Variants in MROH1 observed in about 807,000 individuals in gnomAD.
MROH1 encodes maestro heat like repeat family member 1.
In MROH1, 117 loss-of-function variants were observed where a neutral mutation model predicts 116.5. The observed-to-expected ratio is 1.00, with a 90% CI of 0.86 to 1.17. The LOEUF is 1.17. MROH1 is among the 50% of genes most tolerant of loss of function. The probability of loss-of-function intolerance (pLI) is 0.00; values close to 1 mark genes in which losing one functional copy is unlikely to be tolerated. For missense variants in MROH1, 1,873 were observed against 1,338.5 expected (o/e 1.40, Z -6.23); for synonymous variants, 921 against 583.9 (o/e 1.58, Z -8.32).
intron 13 of MROH1, among the ~76,000 whole-genome samples, chr8:144,222,657 G>C (rs1837018364): frequency 6.6e-6 from 1 of 152,098 alleles, no homozygotes; most frequent in Admixed American, 6.5e-5. Flanking sequence ...GGTAGGTTCA[G>C]GTACAGGTGT....
intron 2 of MROH1, among the ~76,000 whole-genome samples, chr8:144,162,378 C>T (rs1018618888): frequency 4.0e-5 from 6 of 151,294 alleles, no homozygotes; most frequent in Admixed American, 3.3e-4. Context: ...TGAGCCACTG[C>T]GCCCGGCCCT....
At chr8:144,186,350 G>C (rs371800127) in intron 7 of MROH1, among the ~76,000 whole-genome samples, 4 of 152,044 alleles carry the variant, frequency 2.6e-5, no homozygotes, top group African/African-American at 9.7e-5. Flanking sequence ...TCGAACTCCT[G>C]ACCTCAGGTG....
In MROH1 at chr8:144,179,488, G is replaced by T; in HGVS notation, c.202G>T (p.Ala68Ser). 1.2e-6 allele frequency: 2 copies of T among 1,613,612 alleles called. No homozygotes were observed. Among genetic ancestry groups the T allele is most frequent in the Non-Finnish European group, 8.5e-7 (1 of 1,179,834 alleles). Residue 68 changes from alanine to serine, a missense_variant, in exon 5 of 44, where the codon GCC (alanine) becomes TCC (serine). Ala to Ser is a moderately conservative substitution (Grantham distance 99). Coordinates refer to ENST00000326134, the MANE Select transcript of MROH1 (RefSeq NM_032450.3). ...CCCATACCGAGCAGCGGTCCTGAGG[G>T]CCATGGAGAGGGTCCTGAGCAGTCG... The part of the protein sequence containing the change: ...AHPYRAAVLR[A>S]MERVLSSRAS...
In MROH1 at chr8:144,180,059, C is replaced by G; in HGVS notation, c.301-119C>G. 1 of 1,315,860 alleles carries G rather than the reference C, an allele frequency of 7.6e-7. No homozygotes were observed. The highest frequency in any genetic ancestry group is 1.3e-5 in the South Asian group (1 of 75,400). The allele number at this position is 1,315,860 out of a possible 1,614,324, so 81.5% of individuals were successfully genotyped here. On this transcript the variant is annotated intron_variant, in intron 5 of 43. Coordinates refer to ENST00000326134, the MANE Select transcript of MROH1 (RefSeq NM_032450.3). This position sits in a 1 kb window ranked among gnomAD's most constrained non-coding sequence, Gnocchi z 7.4. ...GAGGAGGCTGTGCCCGCCACCTTCC[C>G]TGACCTGCACTTTCTGGGGACGCTG...
chr8:144,258,746 C>G, intron 35 of MROH1, 31 bp from the exon 36 acceptor site: 1 of 753,272 alleles, frequency 1.3e-6, no homozygotes, highest in South Asian at 1.4e-5. Flanking sequence ...CGTGTGTGCC[C>G]TACCAGCTGA....
intron 14 of MROH1, among the ~76,000 whole-genome samples, chr8:144,231,018 G>A (rs1354354305): frequency 7.2e-6 from 1 of 139,030 alleles, no homozygotes; most frequent in African/African-American, 2.8e-5. Context: ...CTCTTAACGA[G>A]CATGCTGCCT....
intron 12 of MROH1, among the ~76,000 whole-genome samples, chr8:144,220,366 T>G (rs1836452254): frequency 6.6e-6 from 1 of 152,218 alleles, no homozygotes; most frequent in Non-Finnish European, 1.5e-5. Flanking sequence ...AGGCCCATTC[T>G]TCTACGACCG....
intron 33 of MROH1, chr8:144,250,734 T>TC: frequency 5.1e-6 from 2 of 389,478 alleles, no homozygotes; most frequent in South Asian, 2.1e-5. Flanking sequence ...TTCCGGCTAC[T>TC]CCAAGCCTTG....
chr8:144,176,587 A>G (rs555318040), intron 4 of MROH1, among the ~76,000 whole-genome samples: 93 of 151,646 alleles, frequency 6.1e-4, no homozygotes, highest in African/African-American at 2.2e-3. Flanking sequence ...CATGCCTATA[A>G]TCTCAGCACT....
At position 144,191,806 on chromosome 8, in the gene MROH1, G is replaced by A; in HGVS notation, c.806G>A (p.Gly269Glu). The change falls in exon 9 of 44, where the codon GGG becomes GAG. Residue 269 changes from glycine to glutamate, a missense_variant. Coordinates refer to ENST00000326134, the MANE Select transcript of MROH1 (RefSeq NM_032450.3). Reference sequence around the variant, plus strand: ...GAGCAGCTGCCCAAGCTCCTCCCTGGGATTCTCGCCCTCTACAAGAAGCAC... The same window carrying A: ...GAGCAGCTGCCCAAGCTCCTCCCTGAGATTCTCGCCCTCTACAAGAAGCAC... ...LEEQLPKLLP[G>E]ILALYKKHAE... The A allele has an allele frequency of 6.2e-7, 1 of 1,613,492 alleles. No individual in the cohort carries two copies. Among genetic ancestry groups the A allele is most frequent in the Non-Finnish European group, 8.5e-7 (1 of 1,179,834 alleles).
chr8:144,160,658 G>C (rs1184316500), intron 1 of MROH1, among the ~76,000 whole-genome samples: 1 of 148,358 alleles, frequency 6.7e-6, no homozygotes, highest in Admixed American at 6.7e-5. Context: ...TAGAACCCAG[G>C]CACCAGACAA....
chr8:144,176,840 AAAAG>A (rs1290662909), intron 4 of MROH1, among the ~76,000 whole-genome samples: 4 of 152,068 alleles, frequency 2.6e-5, no homozygotes, highest in Non-Finnish European at 5.9e-5. Flanking sequence ...AAAAAAAAAA[AAAAG>A]AAATGATTCT....
intron 4 of MROH1, among the ~76,000 whole-genome samples, 197 bp downstream of exon 4, chr8:144,168,637 A>G (rs1026605861): frequency 4.6e-5 from 7 of 152,142 alleles, no homozygotes; most frequent in Non-Finnish European, 1.5e-5. Flanking sequence ...GGGTATGGCC[A>G]CATCCCCCCA....
In MROH1 at chr8:144,200,711, G is replaced by GGGT; in HGVS notation, c.1141+174_1141+176dup. 13 of 610,594 alleles carry GGGT rather than the reference G, an allele frequency of 2.1e-5. No individual in the cohort carries two copies. The South Asian group carries it at 2.2e-4, about 11-fold the overall frequency. The allele number at this position is 610,594 out of a possible 1,614,324, so 37.8% of individuals were successfully genotyped here. ...TTCTAAACTTTTTGAAAAGTTGCAA[G>GGGT]GGTGGTACCTTTCTACCCTTCGCCA... On this transcript the variant is annotated intron_variant, in intron 12 of 43. Coordinates refer to ENST00000326134, the MANE Select transcript of MROH1 (RefSeq NM_032450.3).
intron 9 of MROH1, 57 bp downstream of exon 9, chr8:144,191,912 C>T (rs976546140): frequency 3.3e-5 from 52 of 1,598,328 alleles, no homozygotes; most frequent in Non-Finnish European, 3.9e-5. Context: ...TCAGACTCCC[C>T]GGGGGTGGCC....
At chr8:144,212,076 T>TGTTTGTTTG (rs1554813807) in intron 12 of MROH1, among the ~76,000 whole-genome samples, 3 of 151,090 alleles carry the variant, frequency 2.0e-5, no homozygotes, top group Non-Finnish European at 4.4e-5. Context: ...TGTGTTGTTT[T>TGTTTGTTTG]TTTGTTTGTT....
chr8:144,202,691 GTTGGGA>G, intron 12 of MROH1, among the ~76,000 whole-genome samples: 1 of 143,190 alleles, frequency 7.0e-6, no homozygotes, highest in Admixed American at 6.9e-5. Context: ...CTGTGGAGGG[GTTGGGA>G]GGGGAGCGTC....
In MROH1 at chr8:144,254,937, G is replaced by A. The variant is rs1233716564; in HGVS notation, c.3553G>A (p.Gly1185Ser). The change falls in exon 34 of 44, where the codon GGC becomes AGC. Residue 1185 changes from glycine to serine, a missense_variant. Transcript: ENST00000326134. ...PFKESRAFLL[G>S]RTPDRVATLL... ...CAAGGAGAGCCGGGCCTTCCTGCTG[G>A]GCCGCACCCCAGACCGCGTGGCCAC... The A allele has an allele frequency of 1.3e-5, 10 of 775,524 alleles. No individual in the cohort carries two copies. Among genetic ancestry groups the A allele is most frequent in the African/African-American group, 3.4e-5 (2 of 59,048 alleles). 48.0% of individuals were successfully genotyped at this position (775,524 alleles called of 1,614,324 possible).
At chr8:144,191,046 G>A (rs2131588259) in intron 8 of MROH1, 111 bp downstream of exon 8, 7 of 1,216,226 alleles carry the variant, frequency 5.8e-6, no homozygotes, top group Non-Finnish European at 7.8e-6. Flanking sequence ...TTGGCAAGCA[G>A]AGGTGCCCAA....
Sources: gnomAD v4.1 joint callset for allele counts (sites outside exome capture counted in the v4.1 genomes callset) on GRCh38, gnomAD v4.1.1 for gene constraint, Gnocchi (gnomAD v3.1) non-coding constraint, MANE v1.5 for transcripts, NCBI Gene and HGNC (gene_info 2026-07-23, HGNC 2026-07-21) for gene names.